The following GABRA3 variants were observed in gnomAD, a reference collection of about 807,000 sequenced individuals.
GABRA3 encodes the protein gamma-aminobutyric acid receptor subunit alpha-3.
In GABRA3, 10 loss-of-function variants were observed where a neutral mutation model predicts 30.1. The observed-to-expected ratio is 0.33, with a 90% confidence interval of 0.20 to 0.56. GABRA3 has a LOEUF of 0.56. Among genes scored for constraint, GABRA3 ranks in the 20% least tolerant of loss-of-function variants. The probability of loss-of-function intolerance (pLI) is 0.89; values close to 1 mark genes in which losing one functional copy is unlikely to be tolerated. For missense variants in GABRA3, 233 were observed against 392.0 expected (o/e 0.59, Z 3.42); for synonymous variants, 151 against 146.8 (o/e 1.03, Z -0.21).
In GABRA3 at chrX:152,236,976, T is replaced by G. The variant is rs12389216; in HGVS notation, c.552-12131A>C. On this transcript the variant is annotated intron_variant, in intron 5 of 9. Coordinates refer to ENST00000370314, the MANE Select transcript of GABRA3 (RefSeq NM_000808.4). Reference sequence around the variant, plus strand: ...TTCACTCTGATGGTAGTTTCTTTAGTTGTGCAGAAGCTCTTTAGTTTAATT... The same window carrying G: ...TTCACTCTGATGGTAGTTTCTTTAGGTGTGCAGAAGCTCTTTAGTTTAATT... 4.8e-5 allele frequency among the ~76,000 whole-genome samples: 5 copies of G among 104,791 alleles called. 1 individual carries two copies. The highest frequency in any genetic ancestry group is 1.8e-4 in the African/African-American group (5 of 28,246). The allele number at this position is 104,791 out of a possible 115,157, so 91.0% of individuals were successfully genotyped here.
At chrX:152,329,662 G>A (rs1940129255) in intron 3 of GABRA3, among the ~76,000 whole-genome samples, 1 of 111,843 alleles carries the variant, frequency 8.9e-6, no homozygotes, top group African/African-American at 3.3e-5. Context: ...AGCTGAAACT[G>A]GATCCCTTTC....
chrX:152,276,494 A>C (rs182027648), intron 4 of GABRA3, among the ~76,000 whole-genome samples: 70 of 111,869 alleles, frequency 6.3e-4, no homozygotes, highest in African/African-American at 2.2e-3. Context: ...AGCCCTAACA[A>C]ACCACAAATT....
intron 7 of GABRA3, among the ~76,000 whole-genome samples, chrX:152,204,192 A>G (rs766543179): frequency 2.7e-5 from 3 of 112,078 alleles, no homozygotes; most frequent in East Asian, 2.8e-4. Context: ...TTTCATCTCT[A>G]AAGGTGAAAA....
intron 1 of GABRA3, among the ~76,000 whole-genome samples, chrX:152,386,653 G>A (rs965693175): frequency 1.6e-4 from 17 of 107,398 alleles, no homozygotes; most frequent in African/African-American, 5.8e-4. Context: ...AACAACAGGT[G>A]CTGGAGAGGA....
At chrX:152,360,427 G>A (rs2124491429) in intron 2 of GABRA3, among the ~76,000 whole-genome samples, 1 of 101,958 alleles carries the variant, frequency 9.8e-6, no homozygotes, top group Admixed American at 1.1e-4. Context: ...GTGATGATGA[G>A]CATTTCTTCA....
intron 4 of GABRA3, among the ~76,000 whole-genome samples, chrX:152,262,907 TG>T (rs955953078): frequency 8.9e-6 from 1 of 112,071 alleles, no homozygotes; most frequent in Admixed American, 9.5e-5. Flanking sequence ...TATCCGAGAC[TG>T]TAACTTATAA....
chrX:152,407,499 CATA>C (rs1929965319), intron 1 of GABRA3, among the ~76,000 whole-genome samples: 1 of 111,563 alleles, frequency 9.0e-6, no homozygotes, highest in Non-Finnish European at 1.9e-5. Flanking sequence ...AATTCCTAGA[CATA>C]TACAACCTAC....
chrX:152,296,893 T>A (rs762665089), intron 3 of GABRA3, among the ~76,000 whole-genome samples: 2 of 110,085 alleles, frequency 1.8e-5, no homozygotes, highest in East Asian at 5.7e-4. Context: ...GATAAGGGAT[T>A]TCACCATGTT....
intron 2 of GABRA3, among the ~76,000 whole-genome samples, chrX:152,362,070 A>T (rs1362790402): frequency 1.8e-5 from 2 of 111,231 alleles, no homozygotes; most frequent in African/African-American, 6.5e-5. Flanking sequence ...AGAGTCTTAT[A>T]TACCAAGATT....
intron 6 of GABRA3, among the ~76,000 whole-genome samples, chrX:152,219,628 G>A (rs1219103938): frequency 1.8e-5 from 2 of 111,284 alleles, no homozygotes; most frequent in South Asian, 3.7e-4. Context: ...AAATTCTCTG[G>A]TGTCAGGACA....
intron 1 of GABRA3, among the ~76,000 whole-genome samples, chrX:152,381,963 G>C (rs1228017189): frequency 9.0e-6 from 1 of 111,437 alleles, no homozygotes; most frequent in African/African-American, 3.3e-5. Flanking sequence ...ATGGGCATTT[G>C]GGTTGGTTCC....
At chrX:152,387,447 T>C (rs929118508) in intron 1 of GABRA3, among the ~76,000 whole-genome samples, 3 of 111,638 alleles carry the variant, frequency 2.7e-5, no homozygotes, top group African/African-American at 9.8e-5. Context: ...AAAGAAAAGG[T>C]TGAAATTAGA....
chrX:152,224,661 C>T, intron 6 of GABRA3, 102 bp downstream of exon 6: 1 of 581,350 alleles, frequency 1.7e-6, no homozygotes, highest in Non-Finnish European at 2.7e-6. Flanking sequence ...GATTAAAGGC[C>T]TCAGCTTTAG....
intron 3 of GABRA3, among the ~76,000 whole-genome samples, chrX:152,323,059 G>A (rs1035752371): frequency 6.5e-5 from 7 of 108,500 alleles, no homozygotes; most frequent in Admixed American, 2.0e-4. Flanking sequence ...CACCATGTTG[G>A]TCAGGACGGT....
intron 1 of GABRA3, among the ~76,000 whole-genome samples, chrX:152,385,537 T>C (rs1008520479): frequency 8.9e-6 from 1 of 112,032 alleles, no homozygotes; most frequent in East Asian, 2.8e-4. Context: ...TCCCATTTTG[T>C]AGGTTGCCTG....
intron 4 of GABRA3, among the ~76,000 whole-genome samples, chrX:152,265,322 C>A (rs1039105169): frequency 1.4e-4 from 15 of 110,535 alleles, no homozygotes; most frequent in African/African-American, 2.6e-4. Context: ...TGGAAAAAAA[C>A]CAGAAATCAA....
intron 9 of GABRA3, among the ~76,000 whole-genome samples, chrX:152,175,807 G>A (rs943278155): frequency 2.7e-5 from 3 of 111,215 alleles, no homozygotes; most frequent in Non-Finnish European, 5.6e-5. Context: ...CCTCACGCCT[G>A]TAATCCCAGC....
chrX:152,172,523 G>A (rs1937016173), intron 9 of GABRA3, among the ~76,000 whole-genome samples: 1 of 111,575 alleles, frequency 9.0e-6, no homozygotes, highest in Non-Finnish European at 1.9e-5. Context: ...ATTCCCAATA[G>A]CCAAATGGTG....
intron 2 of GABRA3, among the ~76,000 whole-genome samples, chrX:152,349,425 A>G (rs1196489255): frequency 1.8e-5 from 2 of 108,887 alleles, no homozygotes; most frequent in African/African-American, 6.7e-5. Flanking sequence ...AGCTAACATC[A>G]TAATGACAGG....
Sources: allele counts gnomAD v4.1 joint callset (sites outside exome capture counted in the v4.1 genomes callset), GRCh38; gene constraint gnomAD v4.1.1; transcripts MANE v1.5; gene names NCBI Gene and HGNC (gene_info 2026-07-23, HGNC 2026-07-21).